TUSC3: variants seen among roughly 807,000 people sequenced by gnomAD.
TUSC3 encodes dolichyl-diphosphooligosaccharide--protein glycosyltransferase subunit TUSC3.
Under a neutral mutation model 44.8 loss-of-function variants are expected in TUSC3, and 45 were observed. That is an observed-to-expected ratio of 1.00 (90% CI 0.79 to 1.29). The LOEUF is 1.29. Ranked by LOEUF, TUSC3 falls within the 50% of genes most tolerant of loss-of-function variation. TUSC3 has a pLI of 0.00. For missense variants in TUSC3, 519 were observed against 437.9 expected (o/e 1.19, Z -1.65); for synonymous variants, 212 against 152.9 (o/e 1.39, Z -2.85).
intron 6 of TUSC3, among the ~76,000 whole-genome samples, chr8:15,686,567 A>AT (rs1808637815): frequency 6.6e-6 from 1 of 151,568 alleles, no homozygotes; most frequent in Non-Finnish European, 1.5e-5. Flanking sequence ...TGCCTCAGGG[A>AT]TTTTGCACAT....
At chr8:15,808,151 C>T in the TUSC3 span, among the ~76,000 whole-genome samples, 1 of 152,012 alleles carries the variant, frequency 6.6e-6, no homozygotes, top group Non-Finnish European at 1.5e-5. Context: ...TGTTTTCTGA[C>T]CAGTATTAGA....
intron 7 of TUSC3, among the ~76,000 whole-genome samples, chr8:15,737,138 A>T (rs1585284554): frequency 6.6e-6 from 1 of 152,164 alleles, no homozygotes. Context: ...GAGAGCAAAC[A>T]TTCCTTTTAA....
chr8:15,561,371 C>G (rs1802453511), intron 1 of TUSC3, among the ~76,000 whole-genome samples: 1 of 143,022 alleles, frequency 7.0e-6, no homozygotes, highest in Non-Finnish European at 1.5e-5. Context: ...TCTCAGATCT[C>G]CAGCTGCGTG....
chr8:15,687,061 A>G (rs538269015), intron 6 of TUSC3, among the ~76,000 whole-genome samples: 1 of 152,338 alleles, frequency 6.6e-6, no homozygotes, highest in East Asian at 1.9e-4. Flanking sequence ...TGACAGAGCA[A>G]GACTCCGTCT....
At chr8:15,696,438 G>T (rs1311398941) in intron 6 of TUSC3, among the ~76,000 whole-genome samples, 1 of 152,234 alleles carries the variant, frequency 6.6e-6, no homozygotes, top group East Asian at 1.9e-4. Flanking sequence ...GTTTGATGCA[G>T]GGGTGGGGCA....
At chr8:15,430,558 C>A (rs1300500406) in intron 1 of TUSC3, among the ~76,000 whole-genome samples, 4 of 151,100 alleles carry the variant, frequency 2.6e-5, no homozygotes, top group East Asian at 3.9e-4. Flanking sequence ...ATTCCCTTTG[C>A]AAACTGGCAC....
intron 2 of TUSC3, among the ~76,000 whole-genome samples, chr8:15,634,158 C>A (rs540844337): frequency 6.6e-6 from 1 of 152,162 alleles, no homozygotes; most frequent in South Asian, 2.1e-4. Flanking sequence ...CATGAGAAGT[C>A]CAGCCCTGGG....
chr8:15,844,043 G>A, the TUSC3 span, among the ~76,000 whole-genome samples: 2 of 152,138 alleles, frequency 1.3e-5, no homozygotes, highest in East Asian at 3.9e-4. Context: ...CAGCGAATCT[G>A]TAAGTTTATG....
At chr8:15,534,879 A>C (rs28716960) in intron 2 of TUSC3, among the ~76,000 whole-genome samples, 31,596 of 151,916 alleles carry the variant, frequency 0.21, 3,208 homozygotes, top group Middle Eastern at 0.26. Flanking sequence ...ACTTGAACGC[A>C]GTTTGAACAT....
At chr8:15,514,516 T>TA (rs1442670710) in intron 2 of TUSC3, among the ~76,000 whole-genome samples, 1 of 152,212 alleles carries the variant, frequency 6.6e-6, no homozygotes, top group Non-Finnish European at 1.5e-5. Flanking sequence ...ACTGTAGACT[T>TA]ACCTTACAAT....
intron 1 of TUSC3, among the ~76,000 whole-genome samples, chr8:15,562,496 C>T (rs1232174719): frequency 6.6e-6 from 1 of 152,014 alleles, no homozygotes; most frequent in Non-Finnish European, 1.5e-5. Context: ...AAAATAACAC[C>T]CATTTCTTAT....
the TUSC3 span, among the ~76,000 whole-genome samples, chr8:15,785,026 C>A: frequency 6.6e-6 from 1 of 151,152 alleles, no homozygotes; most frequent in Non-Finnish European, 1.5e-5. Flanking sequence ...TATATATACA[C>A]ACAATTATTT....
intron 1 of TUSC3, among the ~76,000 whole-genome samples, chr8:15,608,339 T>C (rs1037905443): frequency 1.7e-4 from 26 of 152,172 alleles, no homozygotes; most frequent in Admixed American, 1.3e-4. Context: ...TTGGTGCTTT[T>C]TGTAAACAAT....
chr8:15,611,469 G>T (rs1804757823), intron 1 of TUSC3, among the ~76,000 whole-genome samples: 1 of 152,198 alleles, frequency 6.6e-6, no homozygotes, highest in Non-Finnish European at 1.5e-5. Context: ...TTACAGGCGT[G>T]AGCCATCGTA....
intron 1 of TUSC3, among the ~76,000 whole-genome samples, chr8:15,419,356 A>G (rs1799695861): frequency 6.6e-6 from 1 of 152,242 alleles, no homozygotes; most frequent in African/African-American, 2.4e-5. Context: ...CGTGCAATCA[A>G]TGTCTAGAAA....
intron 1 of TUSC3, among the ~76,000 whole-genome samples, chr8:15,597,744 C>G (rs963828336): frequency 6.6e-6 from 1 of 152,034 alleles, no homozygotes; most frequent in Non-Finnish European, 1.5e-5. Flanking sequence ...GGAATTAAGA[C>G]ATATACTTGA....
At chr8:15,735,879 T>TTTTTG (rs1810913454) in intron 7 of TUSC3, among the ~76,000 whole-genome samples, 1 of 40,742 alleles carries the variant, frequency 2.5e-5, no homozygotes, top group African/African-American at 6.6e-5. Flanking sequence ...GGTTTTTTTT[T>TTTTTG]TTTGTTTTTT....
chr8:15,815,403 A>C, the TUSC3 span, among the ~76,000 whole-genome samples: 1 of 152,158 alleles, frequency 6.6e-6, no homozygotes, highest in Admixed American at 6.6e-5. Flanking sequence ...ATTTAGTCTT[A>C]AAAATTGAGT....
At chr8:15,733,503 G>A in intron 7 of TUSC3, 1 of 284,554 alleles carries the variant, frequency 3.5e-6, no homozygotes, top group South Asian at 3.0e-5. Context: ...TTGTATGGCA[G>A]GAATTCTCCA....
Sources: allele counts gnomAD v4.1 joint callset (sites outside exome capture counted in the v4.1 genomes callset), GRCh38; gene constraint gnomAD v4.1.1; transcripts MANE v1.5; gene names NCBI Gene and HGNC (gene_info 2026-07-23, HGNC 2026-07-21).